The following PACS1 variants were observed in gnomAD, a reference collection of about 807,000 sequenced individuals.
PACS1 encodes the protein phosphofurin acidic cluster sorting protein 1.
In PACS1, 24 loss-of-function variants were observed where a neutral mutation model predicts 115.0. That is an observed-to-expected ratio of 0.21 (90% CI 0.15 to 0.29). The LOEUF is 0.29. PACS1 is among the 10% of genes least tolerant of loss of function. The probability of loss-of-function intolerance (pLI) is 1.00; values close to 1 mark genes in which losing one functional copy is unlikely to be tolerated. For synonymous variants in PACS1, 453 were observed against 504.5 expected, an observed-to-expected ratio of 0.90 and a Z score of 1.37; for missense variants, 838 against 1,251.2, an observed-to-expected ratio of 0.67 and a Z score of 4.98.
At chr11:66,094,224 C>G (rs1301221489) in intron 1 of PACS1, among the ~76,000 whole-genome samples, 3 of 150,426 alleles carry the variant, frequency 2.0e-5, no homozygotes, top group Non-Finnish European at 4.5e-5. Flanking sequence ...AATAGAGACA[C>G]AAAAAACCCT....
chr11:66,072,873 A>T (rs774991938), intron 1 of PACS1, among the ~76,000 whole-genome samples: 11 of 152,220 alleles, frequency 7.2e-5, no homozygotes, highest in Non-Finnish European at 1.2e-4. Context: ...GCTGCAGCAG[A>T]GGGGCGTGAA....
At chr11:66,188,073 AT>A (rs1021550114) in intron 1 of PACS1, among the ~76,000 whole-genome samples, 7 of 142,708 alleles carry the variant, frequency 4.9e-5, no homozygotes, top group Admixed American at 1.4e-4. Flanking sequence ...GGGATGTTGA[AT>A]TTTTTTTTTA....
chr11:66,155,150 CTAAACGAGTTAAAACTA>C (rs1193056085), intron 1 of PACS1, among the ~76,000 whole-genome samples: 1 of 152,158 alleles, frequency 6.6e-6, no homozygotes, highest in African/African-American at 2.4e-5. Flanking sequence ...GACCAAAGTC[CTAAACGAGTTAAAACTA>C]TAAAGCTTCT....
chr11:66,072,670 C>CT (rs1207739154), intron 1 of PACS1, among the ~76,000 whole-genome samples: 1 of 152,226 alleles, frequency 6.6e-6, no homozygotes, highest in African/African-American at 2.4e-5. Flanking sequence ...AGGCCTCTCT[C>CT]TTTCTATACA....
chr11:66,160,061 A>G lies in PACS1; in HGVS notation c.357-33425A>G, dbSNP rs1306115503. 2.6e-5 allele frequency among the ~76,000 whole-genome samples: 4 copies of G among 152,308 alleles called. No individual in the cohort carries two copies. The East Asian group carries it at 7.7e-4, about 29-fold the overall frequency. On this transcript the variant is annotated intron_variant, in intron 1 of 23. Coordinates refer to ENST00000320580, the MANE Select transcript of PACS1 (RefSeq NM_018026.4). ...TATAGTTTAATTAAATAAGCTACAC[A>G]TTTCCTGTTTTCTTTTAAACCACTG...
chr11:66,204,651 T>C (rs1387644169), intron 2 of PACS1, among the ~76,000 whole-genome samples: 1 of 152,110 alleles, frequency 6.6e-6, no homozygotes, highest in Non-Finnish European at 1.5e-5. Context: ...TCATTTGCAA[T>C]AACATGGATG....
chr11:66,098,574 C>T (rs1857838368), intron 1 of PACS1, among the ~76,000 whole-genome samples: 1 of 152,208 alleles, frequency 6.6e-6, no homozygotes, highest in South Asian at 2.1e-4. Context: ...CTACATACTC[C>T]TTTAAGTCAG....
At chr11:66,095,955 GAT>G (rs1156901003) in intron 1 of PACS1, among the ~76,000 whole-genome samples, 5 of 150,600 alleles carry the variant, frequency 3.3e-5, no homozygotes, top group Non-Finnish European at 7.4e-5. Context: ...AAATTTTTGA[GAT>G]AGAGTCTCAC....
intron 1 of PACS1, among the ~76,000 whole-genome samples, chr11:66,132,434 A>G (rs895288408): frequency 2.6e-5 from 4 of 152,192 alleles, no homozygotes; most frequent in Non-Finnish European, 2.9e-5. Context: ...GGATTAATAC[A>G]GATACCAAAA....
chr11:66,205,552 TTA>T (rs1456070342), intron 2 of PACS1, among the ~76,000 whole-genome samples: 1 of 151,704 alleles, frequency 6.6e-6, no homozygotes, highest in Non-Finnish European at 1.5e-5. Context: ...CCCATAAAAA[TTA>T]TTAGTTAAAA....
At chr11:66,222,806 T>C (rs951418612) in intron 10 of PACS1, among the ~76,000 whole-genome samples, 1 of 152,204 alleles carries the variant, frequency 6.6e-6, no homozygotes, top group Non-Finnish European at 1.5e-5. Context: ...GGAAACCACC[T>C]TCTCTTGGGG....
intron 1 of PACS1, among the ~76,000 whole-genome samples, chr11:66,144,833 C>T (rs1027274099): frequency 1.3e-5 from 2 of 152,156 alleles, no homozygotes; most frequent in African/African-American, 4.8e-5. Context: ...TAGGGTTTCA[C>T]CATGTTGGCC....
chr11:66,102,673 AAAT>A (rs1413377850), intron 1 of PACS1, among the ~76,000 whole-genome samples: 1 of 152,078 alleles, frequency 6.6e-6, no homozygotes, highest in Non-Finnish European at 1.5e-5. Context: ...AATCAGTGTA[AAAT>A]AATAATGTCA....
intron 1 of PACS1, among the ~76,000 whole-genome samples, chr11:66,130,709 C>G (rs2134576680): frequency 6.6e-6 from 1 of 152,162 alleles, no homozygotes; most frequent in South Asian, 2.1e-4. Context: ...TTTTATTGCT[C>G]TGTCTACTGC....
chr11:66,239,029 G>A lies in PACS1; in HGVS notation c.2294-113G>A. 3 of 1,520,266 alleles carry A rather than the reference G, an allele frequency of 2.0e-6. No homozygotes were observed. The South Asian group carries it at 3.4e-5, about 17-fold the overall frequency. The allele number at this position is 1,520,266 out of a possible 1,614,324, so 94.2% of individuals were successfully genotyped here. A position where few individuals can be genotyped will look rare whatever the true frequency, so the allele number is the denominator to read the frequency against. On this transcript the variant is annotated intron_variant, in intron 20 of 23. Transcript: ENST00000320580. ...GGCTGGGGGAGGTGGAAGGAGCCTG[G>A]GGCCAAAGGAGGAAAGCAGGCCACA...
Position 66,142,462 on chromosome 11 carries a change from C to T in PACS1, c.357-51024C>T, listed in dbSNP as rs565619303. 4.7e-4 allele frequency among the ~76,000 whole-genome samples: 71 copies of T among 151,924 alleles called. 1 individual carries two copies. Among genetic ancestry groups the T allele is most frequent in the Non-Finnish European group, 9.1e-4 (62 of 67,938 alleles). The stretch of plus-strand genomic sequence containing the variant: ...CTGGGACCATGGGCACTTGCCACCA[C>T]GCCCAGCTAATTTTTTGTATTTTTT... On this transcript the variant is annotated intron_variant, in intron 1 of 23. Coordinates refer to ENST00000320580, the MANE Select transcript of PACS1 (RefSeq NM_018026.4).
At chr11:66,178,594 T>C (rs1859930400) in intron 1 of PACS1, among the ~76,000 whole-genome samples, 1 of 152,148 alleles carries the variant, frequency 6.6e-6, no homozygotes, top group Non-Finnish European at 1.5e-5. Context: ...TTTTAAATGT[T>C]TACTTAGTAA....
intron 1 of PACS1, among the ~76,000 whole-genome samples, chr11:66,072,617 C>T (rs748037302): frequency 1.3e-5 from 2 of 152,114 alleles, no homozygotes; most frequent in Non-Finnish European, 2.9e-5. Flanking sequence ...CAAGCTCAAG[C>T]GAGAGTTGAG....
chr11:66,200,108 G>A (rs1242051381), intron 2 of PACS1, among the ~76,000 whole-genome samples: 2 of 152,066 alleles, frequency 1.3e-5, no homozygotes, highest in African/African-American at 4.8e-5. Context: ...CCAGCACTTT[G>A]GGAGGCTGAG....
Sources: allele counts gnomAD v4.1 joint callset (sites outside exome capture counted in the v4.1 genomes callset), GRCh38; gene constraint gnomAD v4.1.1; transcripts MANE v1.5; gene names NCBI Gene and HGNC (gene_info 2026-07-23, HGNC 2026-07-21).